The following PSD variants were observed in gnomAD, a reference collection of about 807,000 sequenced individuals.
PSD encodes the protein PH and SEC7 domain-containing protein 1.
A neutral mutation model predicts 91.6 loss-of-function variants in PSD; 32 were observed. The observed-to-expected ratio is 0.35, with a 90% CI of 0.26 to 0.47. PSD has a LOEUF of 0.47. Among genes scored for constraint, PSD ranks in the 20% least tolerant of loss-of-function variants. The pLI is 1.00. For missense variants in PSD, 1,099 were observed against 1,373.9 expected, an observed-to-expected ratio of 0.80 and a Z score of 3.16; for synonymous variants, 532 against 569.3, an observed-to-expected ratio of 0.93 and a Z score of 0.93.
In PSD at chr10:102,413,835, C is replaced by T. The variant is rs762385141; in HGVS notation, c.1487G>A (p.Gly496Glu). 4 of 1,614,002 alleles carry T rather than the reference C, an allele frequency of 2.5e-6. No individual in the cohort carries two copies. Among genetic ancestry groups the T allele is most frequent in the Admixed American group, 1.7e-5 (1 of 60,008 alleles). ...GTGGCAGGGACTAGGGGGCTCCCTC[C>T]CTGGGGCCAGCTTGGCTCTGGCCTC... ...EAEARAKLAP[G>E]REPPSPCHSE... The change falls in exon 5 of 17, where the codon GGG becomes GAG. Residue 496 changes from glycine (G) to glutamate (E), a missense_variant. Gly to Glu is a moderately conservative substitution (Grantham distance 98). Transcript: ENST00000020673.
chr10:102,405,587 G>A lies in PSD; in HGVS notation c.2136-51C>T, dbSNP rs758082651. On this transcript the variant is annotated intron_variant, in intron 11 of 16. Coordinates refer to ENST00000020673, the MANE Select transcript of PSD (RefSeq NM_002779.5). The surrounding 1 kb of genome is among the most constrained non-coding windows in gnomAD (Gnocchi z 5.4). ...GGCTGGCCATGGAGCCGCGGCCCCCGCTTCAGTTCTGGCCTCTGCTCGCCC... is the reference window on the plus strand; with the variant it reads ...GGCTGGCCATGGAGCCGCGGCCCCCACTTCAGTTCTGGCCTCTGCTCGCCC... 2.0e-5 allele frequency: 31 copies of A among 1,540,168 alleles called. No homozygotes were observed. Among genetic ancestry groups the A allele is most frequent in the Non-Finnish European group, 2.6e-5 (29 of 1,132,498 alleles).
At chr10:102,415,862 G>A (rs1260374721) in intron 3 of PSD, among the ~76,000 whole-genome samples, 155 bp downstream of exon 3, 1 of 152,208 alleles carries the variant, frequency 6.6e-6, no homozygotes, top group Non-Finnish European at 1.5e-5. Context: ...TCCCATCATA[G>A]CGCAGATGGA....
rs1192510034 is a variant in PSD at position 102,404,746 on chromosome 10, C to T, written c.2556-19G>A. ...CAGGCTCCTGGGGAGAAAGCACAGC[C>T]CTTTGGGACCTGGGCCCAGGGTTTC... On this transcript the variant is annotated intron_variant, in intron 14 of 16. Transcript: ENST00000020673. The surrounding 1 kb of genome is among the most constrained non-coding windows in gnomAD (Gnocchi z 5.7). The T allele has an allele frequency of 2.6e-6, 4 of 1,559,462 alleles. No homozygotes were observed. In the African/African-American group the frequency reaches 4.1e-5, roughly 16 times the overall value.
At chr10:102,415,957 G>A in intron 3 of PSD, 60 bp downstream of exon 3, 4 of 1,338,352 alleles carry the variant, frequency 3.0e-6, no homozygotes, top group East Asian at 4.9e-5. Context: ...TCCCTACTGA[G>A]CCTCAGCTGC....
rs771985151 is a variant in PSD, at chr10:102,410,855, C to A, written c.2091+3G>T. On this transcript the variant is annotated splice_donor_region_variant and intron_variant, in intron 10 of 16. Transcript: ENST00000020673. This position sits in a 1 kb window ranked among gnomAD's most constrained non-coding sequence, Gnocchi z 6.0. The stretch of plus-strand genomic sequence containing the variant: ...GCGACTTCTACCCTGCCCCGCCCCC[C>A]ACCTTGAGCAGCTCCCTAGGGAAGT... 1.9e-6 allele frequency: 3 copies of A among 1,611,892 alleles called. No individual in the cohort carries two copies. Among genetic ancestry groups the A allele is most frequent in the Middle Eastern group, 1.7e-4 (1 of 5,786 alleles).
chr10:102,418,959 G>C (rs1019573111), upstream of PSD: 2 of 340,148 alleles, frequency 5.9e-6, no homozygotes, highest in East Asian at 8.0e-5. Context: ...ACCCGCCCCA[G>C]ACAAGGAGGA....
At chr10:102,412,004 T>C in intron 7 of PSD, 143 bp downstream of exon 7, 1 of 1,057,408 alleles carries the variant, frequency 9.5e-7, no homozygotes, top group African/African-American at 1.6e-5. Context: ...CAGGCAGCTC[T>C]GGCCCTTGGC....
rs2061457108 is a variant in PSD, at chr10:102,414,663, C to T, written c.1124+200G>A. Among the ~76,000 whole-genome samples, 1 of 152,156 alleles carries T rather than the reference C, an allele frequency of 6.6e-6. No individual in the cohort carries two copies. Among genetic ancestry groups the T allele is most frequent in the Non-Finnish European group, 1.5e-5 (1 of 68,024 alleles). On this transcript the variant is annotated intron_variant, in intron 4 of 16. Transcript: ENST00000020673. The surrounding 1 kb of genome is among the most constrained non-coding windows in gnomAD (Gnocchi z 5.6). Reference sequence around the variant, plus strand: ...CCCTGCCCCCTGTTCTGCTAGAACCCCTGGCCTCTTTGCTCCCCACATCCC... The same window carrying T: ...CCCTGCCCCCTGTTCTGCTAGAACCTCTGGCCTCTTTGCTCCCCACATCCC...
At position 102,414,532 on chromosome 10, in the gene PSD, TGA is replaced by T. The variant is rs1313343590; in HGVS notation, c.1124+329_1124+330del. ...TGAGGCTCCAAGCGACACTGGGGTG[TGA>T]GACGGAAAGGAATGTCCCCACACTC... On this transcript the variant is annotated intron_variant, in intron 4 of 16. Transcript: ENST00000020673. This position sits in a 1 kb window ranked among gnomAD's most constrained non-coding sequence, Gnocchi z 5.6. Among the ~76,000 whole-genome samples the T allele has an allele frequency of 6.6e-6, 1 of 152,094 alleles. No homozygotes were observed. Among genetic ancestry groups the T allele is most frequent in the Non-Finnish European group, 1.5e-5 (1 of 68,016 alleles).
At position 102,416,444 on chromosome 10, in the gene PSD, G is replaced by T; in HGVS notation, c.595C>A (p.Pro199Thr). 6.2e-7 allele frequency: 1 copy of T among 1,612,464 alleles called. No individual in the cohort carries two copies. Among genetic ancestry groups the T allele is most frequent in the South Asian group, 1.1e-5 (1 of 90,744 alleles). Reference sequence around the variant, plus strand: ...AAGAGTGTGGCCAGGCGCTCAGGGGGGCCCCCCAGCCCATTGGGGAGAGAG... The same window carrying T: ...AAGAGTGTGGCCAGGCGCTCAGGGGTGCCCCCCAGCCCATTGGGGAGAGAG... ...YSSLPNGLGG[P>T]PERLATLFGG... The change falls in exon 2 of 17, where the codon CCC (proline) becomes ACC (threonine). Residue 199 changes from proline (P) to threonine (T), a missense_variant. By Grantham distance (38) the Pro-to-Thr change is conservative. This residue lies in a region of PSD where 631 missense variants were observed against 728.8 expected (regional missense o/e 0.87). Transcript: ENST00000020673. This position sits in a 1 kb window ranked among gnomAD's most constrained non-coding sequence, Gnocchi z 6.0.
intron 11 of PSD, 29 bp downstream of exon 11, chr10:102,407,194 T>C (rs368729606): frequency 6.7e-7 from 1 of 1,489,662 alleles, no homozygotes; most frequent in East Asian, 2.8e-5. Flanking sequence ...TGCCCCATCC[T>C]AGCCCCACCA....
rs911390587 is a variant in PSD, at chr10:102,410,437, G to A, written c.2091+421C>T. On this transcript the variant is annotated intron_variant, in intron 10 of 16. Transcript: ENST00000020673. This position sits in a 1 kb window ranked among gnomAD's most constrained non-coding sequence, Gnocchi z 6.0. The stretch of plus-strand genomic sequence containing the variant: ...CGGGTTCCTGCAGCGCAGCAGCACC[G>A]GGAAGGTCTTTTTGGCTGTCCACGC... 6.6e-6 allele frequency among the ~76,000 whole-genome samples: 1 copy of A among 152,244 alleles called. No individual in the cohort carries two copies. Among genetic ancestry groups the A allele is most frequent in the Admixed American group, 6.5e-5 (1 of 15,292 alleles).
In PSD at chr10:102,403,148, G is replaced by A; in HGVS notation, c.*52C>T. On this transcript the variant is annotated 3_prime_UTR_variant, in exon 17 of 17. Coordinates refer to ENST00000020673, the MANE Select transcript of PSD (RefSeq NM_002779.5). The surrounding 1 kb of genome is among the most constrained non-coding windows in gnomAD (Gnocchi z 6.7). ...CGAGGCCGGCCCGGGCTCAGGCAGG[G>A]CCATGTCATCCTTCAGGTGCCCAGC... The A allele has an allele frequency of 7.2e-7, 1 of 1,381,674 alleles. No individual in the cohort carries two copies. Among genetic ancestry groups the A allele is most frequent in the East Asian group, 2.7e-5 (1 of 37,552 alleles). 85.6% of individuals were successfully genotyped at this position (1,381,674 alleles called of 1,614,324 possible). A position where few individuals can be genotyped will look rare whatever the true frequency, so the allele number is the denominator to read the frequency against.
At position 102,415,006 on chromosome 10, in the gene PSD, A is replaced by T; in HGVS notation, c.981T>A (p.Thr327=). Residue 327 remains threonine (T), a synonymous_variant, in exon 4 of 17, where the codon ACT becomes ACA. Transcript: ENST00000020673. ...CGGGCCGTGGGGCAGGTGGGTAGGC[A>T]GTGCCTGGTGGGCCCTCAGAGCTGG... The part of the protein sequence containing the change: ...SQPSSEGPPG[T]AYPPAPRPGP... 6.2e-7 allele frequency: 1 copy of T among 1,608,786 alleles called. No individual in the cohort carries two copies. Among genetic ancestry groups the T allele is most frequent in the Non-Finnish European group, 8.5e-7 (1 of 1,176,118 alleles).
rs369544974 is a variant in PSD at position 102,405,246 on chromosome 10, C to T, written c.2334G>A (p.Arg778=). Reference sequence around the variant, plus strand: ...GGAAGCTCTTCCAGCCCCGCTTGCCCCGAGGTGCTGCGGGGAGAGAAGACA... The same window carrying T: ...GGAAGCTCTTCCAGCCCCGCTTGCCTCGAGGTGCTGCGGGGAGAGAAGACA... ...HADPDCRKTP[R]GKRGWKSFHG... is the part of the protein sequence containing the mutation. The change falls in exon 13 of 17, where the codon CGG becomes CGA. Residue 778 remains arginine (R), a synonymous_variant. Coordinates refer to ENST00000020673, the MANE Select transcript of PSD (RefSeq NM_002779.5). This position sits in a 1 kb window ranked among gnomAD's most constrained non-coding sequence, Gnocchi z 5.4. The T allele has an allele frequency of 4.5e-5, 73 of 1,610,856 alleles. No homozygotes were observed. The African/African-American group carries it at 8.1e-4, about 18-fold the overall frequency.
rs1025204119 is a variant in PSD, at chr10:102,403,839, C to T, written c.2844+3G>A. On this transcript the variant is annotated splice_donor_region_variant and intron_variant, in intron 16 of 16. Transcript: ENST00000020673. This position sits in a 1 kb window ranked among gnomAD's most constrained non-coding sequence, Gnocchi z 6.7. ...GGACAGAGGGGCAGACAGGGAGGCTCACCTCAAACTCCAGGTAGGCCTCCT... is the reference window on the plus strand; with the variant it reads ...GGACAGAGGGGCAGACAGGGAGGCTTACCTCAAACTCCAGGTAGGCCTCCT... 3.1e-6 allele frequency: 5 copies of T among 1,610,684 alleles called. No individual in the cohort carries two copies. In the African/African-American group the frequency reaches 4.0e-5, roughly 13 times the overall value.
rs2061401153 is a variant in PSD, at chr10:102,409,315, A to C, written c.2091+1543T>G. The C allele has an allele frequency of 1.0e-6, 1 of 985,084 alleles. No homozygotes were observed. The highest frequency in any genetic ancestry group is 1.2e-6 in the Non-Finnish European group (1 of 829,542). 61.0% of individuals were successfully genotyped at this position (985,084 alleles called of 1,614,324 possible). On this transcript the variant is annotated intron_variant, in intron 10 of 16. Coordinates refer to ENST00000020673, the MANE Select transcript of PSD (RefSeq NM_002779.5). The surrounding 1 kb of genome is among the most constrained non-coding windows in gnomAD (Gnocchi z 5.7). The stretch of plus-strand genomic sequence containing the variant: ...GAGCGGGAGGGGGGCGCCGACGGGA[A>C]AGGGAGGGCGAGGGCTGGGGGCGGG...
chr10:102,411,620 A>T (rs910414930), intron 8 of PSD, 87 bp downstream of exon 8: 3 of 970,200 alleles, frequency 3.1e-6, no homozygotes, highest in Admixed American at 2.0e-5. Context: ...CTGTACACAC[A>T]CTCATGCTCC....
Position 102,404,655 on chromosome 10 carries a change from G to A in PSD, c.2628C>T (p.Phe876=), listed in dbSNP as rs775259556. 6 of 1,611,922 alleles carry A rather than the reference G, an allele frequency of 3.7e-6. No individual in the cohort carries two copies. In the Admixed American group the frequency reaches 6.7e-5, roughly 18 times the overall value. ...VVAAMFSAPP[F]PAAVSSQKKF... ...TCTTTTGGGAGCTAACAGCAGCTGG[G>A]AAGGGGGGCGCAGAGAACATAGCGG... is the stretch of plus-strand genomic sequence containing the variant. Residue 876 remains phenylalanine, a synonymous_variant, in exon 15 of 17, where the codon TTC becomes TTT. Transcript: ENST00000020673. This position sits in a 1 kb window ranked among gnomAD's most constrained non-coding sequence, Gnocchi z 5.7.
Sources: gnomAD v4.1 joint callset for allele counts (sites outside exome capture counted in the v4.1 genomes callset) on GRCh38, gnomAD v4.1.1 for gene constraint, gnomAD v4.1.1 regional missense constraint, Gnocchi (gnomAD v3.1) non-coding constraint, MANE v1.5 for transcripts, NCBI Gene and HGNC (gene_info 2026-07-23, HGNC 2026-07-21) for gene names.